Variants in RALY observed in about 807,000 individuals in gnomAD.
The protein encoded by RALY is RNA-binding protein Raly.
RALY carries 15 observed loss-of-function variants against 30.7 expected under a neutral mutation model. The ratio of observed to expected loss-of-function variants is 0.49; its 90% CI spans 0.33 to 0.75. The LOEUF (loss-of-function observed/expected upper bound fraction) is 0.75, where lower values mean the gene tolerates loss of function less well. Ranked by LOEUF, RALY falls within the 30% of genes least tolerant of loss-of-function variation. The pLI, the probability that RALY is intolerant of heterozygous loss-of-function variation, is 0.02. For synonymous variants in RALY, 177 were observed against 170.8 expected (o/e 1.04, Z -0.28); for missense variants, 339 against 414.3 (o/e 0.82, Z 1.58).
Position 34,078,533 on chromosome 20 carries a change from A to T in RALY, c.905A>T (p.Asp302Val). 1.3e-6 allele frequency: 2 copies of T among 1,589,508 alleles called. No homozygotes were observed. Among genetic ancestry groups the T allele is most frequent in the Non-Finnish European group, 1.7e-6 (2 of 1,167,914 alleles). The change falls in exon 9 of 10, where the codon GAT becomes GTT. Residue 302 changes from aspartate (D) to valine (V), a missense_variant. Around this residue, in one of 2 missense-constraint regions of RALY, gnomAD observed 268 missense variants for 280.6 expected, o/e 0.95. Coordinates refer to ENST00000246194, the MANE Select transcript of RALY (RefSeq NM_016732.3). Reference sequence around the variant, plus strand: ...CACAGCCAGGACACAGACGCGGATGATGGGGCCTTGCAGTAAGCAGGTACA... The same window carrying T: ...CACAGCCAGGACACAGACGCGGATGTTGGGGCCTTGCAGTAAGCAGGTACA... ...LEHSQDTDAD[D>V]GALQ
At chr20:34,034,283 C>T (rs917776919) in intron 2 of RALY, among the ~76,000 whole-genome samples, 1 of 152,202 alleles carries the variant, frequency 6.6e-6, no homozygotes, top group Non-Finnish European at 1.5e-5. Flanking sequence ...GGGCCATTCT[C>T]TTCGCACTGT....
At chr20:34,037,031 T>C (rs2032521978) in intron 2 of RALY, among the ~76,000 whole-genome samples, 1 of 152,234 alleles carries the variant, frequency 6.6e-6, no homozygotes, top group South Asian at 2.1e-4. Context: ...GATTCGTTCA[T>C]TGATTTTTGA....
At chr20:34,063,413 T>C (rs1215902286) in intron 2 of RALY, among the ~76,000 whole-genome samples, 1 of 152,186 alleles carries the variant, frequency 6.6e-6, no homozygotes, top group Non-Finnish European at 1.5e-5. Flanking sequence ...CTTGGGTCTT[T>C]CGGTCCAAAG....
At chr20:34,071,955 C>G (rs1601506989) in intron 2 of RALY, 111 bp from the exon 3 acceptor site, 1 of 1,214,956 alleles carries the variant, frequency 8.2e-7, no homozygotes, top group Middle Eastern at 2.0e-4. Flanking sequence ...AGGCTGGATG[C>G]TATAAGGGTT....
intron 2 of RALY, among the ~76,000 whole-genome samples, chr20:34,060,114 CTT>C (rs2033372691): frequency 6.6e-6 from 1 of 152,144 alleles, no homozygotes; most frequent in Non-Finnish European, 1.5e-5. Flanking sequence ...CTTGAAGAGA[CTT>C]TATCGCATCC....
Position 34,076,058 on chromosome 20 carries a change from A to T in RALY, c.544+18A>T. On this transcript the variant is annotated intron_variant, in intron 6 of 9. Transcript: ENST00000246194. ...GATCAAGTGTGAGTGACTGTATCAT[A>T]TTCCTAAGTAATTTGCATTTTTATC... is the stretch of plus-strand genomic sequence containing the variant. The T allele has an allele frequency of 6.3e-7, 1 of 1,593,028 alleles. No homozygotes were observed. The highest frequency in any genetic ancestry group is 1.3e-5 in the African/African-American group (1 of 74,414).
At chr20:34,003,349 A>G (rs1167708259) in intron 1 of RALY, among the ~76,000 whole-genome samples, 1 of 152,168 alleles carries the variant, frequency 6.6e-6, no homozygotes, top group African/African-American at 2.4e-5. Context: ...CACATGAGAC[A>G]ATTTATATGT....
intron 1 of RALY, chr20:34,017,573 C>T (rs2031657449): frequency 6.6e-6 from 1 of 152,230 alleles, no homozygotes; most frequent in Non-Finnish European, 1.5e-5. Context: ...TTTCTCATCT[C>T]CTTTCCAAGT....
intron 2 of RALY, among the ~76,000 whole-genome samples, chr20:34,067,812 TTTTC>T (rs1336861059): frequency 2.2e-4 from 20 of 90,950 alleles, no homozygotes; most frequent in Middle Eastern, 6.5e-3. Flanking sequence ...CTTTTTTCTT[TTTTC>T]TTTTTTTTTT....
chr20:34,003,166 C>T (rs1388007285), intron 1 of RALY, among the ~76,000 whole-genome samples: 1 of 152,092 alleles, frequency 6.6e-6, no homozygotes, highest in Non-Finnish European at 1.5e-5. Flanking sequence ...CCGATTTCTT[C>T]CAACAATTTA....
chr20:34,058,355 A>G (rs1250027870), intron 2 of RALY, among the ~76,000 whole-genome samples: 5 of 152,074 alleles, frequency 3.3e-5, no homozygotes, highest in African/African-American at 1.2e-4. Flanking sequence ...GCTAATGAAC[A>G]TTTTGTTCAT....
At chr20:34,078,657 C>G in intron 9 of RALY, 104 bp downstream of exon 9, 5 of 1,107,624 alleles carry the variant, frequency 4.5e-6, no homozygotes, top group Non-Finnish European at 6.2e-6. Flanking sequence ...CATACCTGGC[C>G]AAGTAGCACT....
chr20:33,999,730 G>A (rs753341649), intron 1 of RALY, among the ~76,000 whole-genome samples: 1 of 152,122 alleles, frequency 6.6e-6, no homozygotes, highest in Non-Finnish European at 1.5e-5. Flanking sequence ...TGGATACAGC[G>A]GTGGCCTGGG....
chr20:34,014,256 G>A (rs1371386338), intron 1 of RALY, among the ~76,000 whole-genome samples: 1 of 152,130 alleles, frequency 6.6e-6, no homozygotes. Flanking sequence ...CGTATGTAGG[G>A]CCAGTACCTA....
intron 9 of RALY, 122 bp downstream of exon 9, chr20:34,078,675 C>T: frequency 1.1e-6 from 1 of 908,744 alleles, no homozygotes; most frequent in South Asian, 3.1e-5. Flanking sequence ...ACTGACTATA[C>T]CCAAGAATGA....
At chr20:33,995,051 CTT>C (rs2030543784) in intron 1 of RALY, among the ~76,000 whole-genome samples, 1 of 152,136 alleles carries the variant, frequency 6.6e-6, no homozygotes, top group Admixed American at 6.5e-5. Context: ...TGTATCATCT[CTT>C]AGTGCAGAGG....
At chr20:34,005,830 T>C (rs2031133533) in intron 1 of RALY, among the ~76,000 whole-genome samples, 1 of 152,252 alleles carries the variant, frequency 6.6e-6, no homozygotes, top group Non-Finnish European at 1.5e-5. Context: ...CAGAACGTCA[T>C]ACAGTTGGAA....
chr20:34,013,737 CCT>C (rs1360972691), intron 1 of RALY, among the ~76,000 whole-genome samples: 2 of 152,180 alleles, frequency 1.3e-5, no homozygotes, highest in African/African-American at 2.4e-5. Context: ...ACACCCAAAT[CCT>C]CTCTCATTCA....
chr20:34,032,869 T>G (rs545196903), intron 2 of RALY, among the ~76,000 whole-genome samples: 19 of 152,048 alleles, frequency 1.2e-4, no homozygotes, highest in Non-Finnish European at 2.2e-4. Context: ...GAAGGCCTAC[T>G]TACTTAGGGA....
Sources: gnomAD v4.1 joint callset for allele counts (sites outside exome capture counted in the v4.1 genomes callset) on GRCh38, gnomAD v4.1.1 for gene constraint, gnomAD v4.1.1 regional missense constraint, MANE v1.5 for transcripts, NCBI Gene and HGNC (gene_info 2026-07-23, HGNC 2026-07-21) for gene names.